NRXN3: variants seen among roughly 807,000 people sequenced by gnomAD.
NRXN3 encodes the protein neurexin 3, also known as neurexin III.
In NRXN3, 32 loss-of-function variants were observed where a neutral mutation model predicts 137.6. The observed-to-expected ratio is 0.23, with a 90% confidence interval of 0.18 to 0.31. NRXN3 has a LOEUF of 0.31. Among genes scored for constraint, NRXN3 ranks in the 10% least tolerant of loss-of-function variants. The probability of loss-of-function intolerance (pLI) is 1.00; values close to 1 mark genes in which losing one functional copy is unlikely to be tolerated. For missense variants in NRXN3, 1,574 were observed against 2,062.5 expected, an observed-to-expected ratio of 0.76 and a Z score of 4.59; for synonymous variants, 798 against 784.5, an observed-to-expected ratio of 1.02 and a Z score of -0.29.
At chr14:79,678,291 A>T (rs1450503994) in intron 17 of NRXN3, among the ~76,000 whole-genome samples, 1 of 152,180 alleles carries the variant, frequency 6.6e-6, no homozygotes, top group Non-Finnish European at 1.5e-5. Context: ...GTAAGGACAA[A>T]AGCAACTCTA....
chr14:78,962,105 A>G (rs1357723880), intron 11 of NRXN3, among the ~76,000 whole-genome samples: 3 of 152,230 alleles, frequency 2.0e-5, no homozygotes, highest in Non-Finnish European at 2.9e-5. Flanking sequence ...TGTGAGGAAT[A>G]AGTAAAACCT....
intron 4 of NRXN3, among the ~76,000 whole-genome samples, chr14:78,591,604 T>C (rs1338393426): frequency 1.3e-5 from 2 of 152,154 alleles, no homozygotes; most frequent in Non-Finnish European, 2.9e-5. Flanking sequence ...TCTGTTACAG[T>C]CCCACAGAGA....
chr14:79,057,678 G>T (rs76461204), intron 15 of NRXN3, among the ~76,000 whole-genome samples: 4,292 of 152,236 alleles, frequency 0.028, 200 homozygotes, highest in African/African-American at 0.098. Flanking sequence ...AGTCCATTGG[G>T]TTTAAAAGGT....
chr14:79,017,139 G>T (rs1261771371), intron 15 of NRXN3, among the ~76,000 whole-genome samples: 1 of 151,904 alleles, frequency 6.6e-6, no homozygotes, highest in Non-Finnish European at 1.5e-5. Context: ...GGGGAATATA[G>T]GCGAGCAGAT....
At chr14:78,506,038 C>G (rs7155126) in intron 4 of NRXN3, among the ~76,000 whole-genome samples, 63,289 of 151,972 alleles carry the variant, frequency 0.42, 13,356 homozygotes, top group East Asian at 0.51. Context: ...TGCTCAATAC[C>G]ATATTATTAA....
chr14:78,303,958 G>A (rs562976471), intron 4 of NRXN3, among the ~76,000 whole-genome samples: 8 of 152,224 alleles, frequency 5.3e-5, no homozygotes, highest in Non-Finnish European at 8.8e-5. Flanking sequence ...GGCCAGAGTC[G>A]TACTTAATGA....
intron 10 of NRXN3, among the ~76,000 whole-genome samples, chr14:78,831,216 A>G (rs897670057): frequency 8.5e-5 from 13 of 152,252 alleles, no homozygotes; most frequent in Admixed American, 2.6e-4. Flanking sequence ...TCCAAATTAT[A>G]GCATGCAGGT....
intron 1 of NRXN3, among the ~76,000 whole-genome samples, chr14:78,238,548 T>G (rs904574513): frequency 6.6e-6 from 1 of 152,126 alleles, no homozygotes; most frequent in Non-Finnish European, 1.5e-5. Context: ...CGATATTTAG[T>G]GTAAGGGCAT....
intron 15 of NRXN3, among the ~76,000 whole-genome samples, chr14:79,030,281 C>A (rs571964340): frequency 2.6e-5 from 4 of 152,080 alleles, no homozygotes; most frequent in African/African-American, 9.6e-5. Flanking sequence ...CTAAACATTG[C>A]CAAATGTCTT....
intron 15 of NRXN3, among the ~76,000 whole-genome samples, chr14:79,141,057 T>C (rs537251082): frequency 1.3e-5 from 2 of 152,208 alleles, no homozygotes; most frequent in Non-Finnish European, 2.9e-5. Context: ...AGCAAACTGA[T>C]ATAAGGTGTA....
intron 19 of NRXN3, among the ~76,000 whole-genome samples, chr14:79,772,331 C>T (rs943531102): frequency 6.6e-5 from 10 of 152,096 alleles, no homozygotes; most frequent in Admixed American, 5.9e-4. Context: ...CAATCCTAAG[C>T]CAAAAGAACA....
At chr14:79,026,903 G>T (rs2099598802) in intron 15 of NRXN3, among the ~76,000 whole-genome samples, 1 of 146,686 alleles carries the variant, frequency 6.8e-6, no homozygotes, top group African/African-American at 2.5e-5. Context: ...CCAGAATCAT[G>T]CGTGATCCCA....
At chr14:79,858,779 C>A (rs2099408130) in intron 20 of NRXN3, among the ~76,000 whole-genome samples, 2 of 152,082 alleles carry the variant, frequency 1.3e-5, no homozygotes, top group African/African-American at 4.8e-5. Flanking sequence ...ACCTTGCCCT[C>A]TTTCATATAT....
intron 20 of NRXN3, among the ~76,000 whole-genome samples, chr14:79,848,544 A>G (rs1432721544): frequency 6.6e-6 from 1 of 152,174 alleles, no homozygotes; most frequent in East Asian, 1.9e-4. Context: ...GGGAAGCCAA[A>G]AGATTGAACA....
At chr14:79,366,343 A>T (rs1042738441) in intron 15 of NRXN3, among the ~76,000 whole-genome samples, 1 of 152,188 alleles carries the variant, frequency 6.6e-6, no homozygotes, top group African/African-American at 2.4e-5. Flanking sequence ...TTTAATTTTT[A>T]AAAATATGCA....
At chr14:79,534,329 C>T (rs1324997556) in intron 16 of NRXN3, among the ~76,000 whole-genome samples, 4 of 152,136 alleles carry the variant, frequency 2.6e-5, no homozygotes, top group Non-Finnish European at 4.4e-5. Flanking sequence ...CTTGTTCCTT[C>T]GTTGTAAGGG....
chr14:78,983,854 T>TAAAAAAA (rs965751583), intron 14 of NRXN3, among the ~76,000 whole-genome samples: 1 of 105,952 alleles, frequency 9.4e-6, no homozygotes, highest in Non-Finnish European at 2.0e-5. Context: ...AGATTCCATT[T>TAAAAAAA]AAAAAAAAAA....
intron 1 of NRXN3, among the ~76,000 whole-genome samples, chr14:78,209,647 G>A (rs575349603): frequency 7.9e-5 from 12 of 152,172 alleles, no homozygotes; most frequent in East Asian, 7.7e-4. Flanking sequence ...TCACTACCAC[G>A]AGAACAGCAT....
At chr14:78,777,613 A>G (rs180751337) in intron 8 of NRXN3, among the ~76,000 whole-genome samples, 1 of 152,262 alleles carries the variant, frequency 6.6e-6, no homozygotes, top group East Asian at 1.9e-4. Context: ...TCTATTATAT[A>G]CTGAAATAAT....
Sources: allele counts gnomAD v4.1 joint callset (sites outside exome capture counted in the v4.1 genomes callset), GRCh38; gene constraint gnomAD v4.1.1; transcripts MANE v1.5; gene names NCBI Gene and HGNC (gene_info 2026-07-23, HGNC 2026-07-21).